ZNF385D: variants seen among roughly 807,000 people sequenced by gnomAD.
ZNF385D encodes the protein zinc finger protein 385D.
In ZNF385D, 15 loss-of-function variants were observed where a neutral mutation model predicts 35.8. The observed-to-expected ratio is 0.42, with a 90% CI of 0.28 to 0.64. The LOEUF (loss-of-function observed/expected upper bound fraction) is 0.64. Ranked by LOEUF, ZNF385D falls within the 30% of genes least tolerant of loss-of-function variation. The pLI, the probability that ZNF385D is intolerant of heterozygous loss-of-function variation, is 0.23. For synonymous variants in ZNF385D, 212 were observed against 186.8 expected, an observed-to-expected ratio of 1.13 and a Z score of -1.10; for missense variants, 474 against 494.6, an observed-to-expected ratio of 0.96 and a Z score of 0.39.
intron 2 of ZNF385D, among the ~76,000 whole-genome samples, chr3:21,578,698 G>C (rs1559425709): frequency 6.6e-6 from 1 of 152,056 alleles, no homozygotes; most frequent in South Asian, 2.1e-4. Context: ...TGATACGCCT[G>C]CTTTCATGCC....
chr3:21,757,440 G>A (rs934151307), intron 3 of ZNF385D, among the ~76,000 whole-genome samples: 1 of 152,078 alleles, frequency 6.6e-6, no homozygotes, highest in Admixed American at 6.6e-5. Flanking sequence ...ACCACACCTG[G>A]CCTAAATTTA....
chr3:22,300,856 C>A (rs971431451), intron 2 of ZNF385D, among the ~76,000 whole-genome samples: 2 of 151,882 alleles, frequency 1.3e-5, no homozygotes, highest in African/African-American at 2.4e-5. Context: ...ATTAGTATAG[C>A]CATTATGAAA....
At chr3:22,193,464 GGATGCATGAGATCTAAGTACAAA>G (rs1406700731) in intron 2 of ZNF385D, among the ~76,000 whole-genome samples, 2 of 151,890 alleles carry the variant, frequency 1.3e-5, no homozygotes, top group African/African-American at 4.8e-5. Flanking sequence ...ATATTACATA[GGATGCATGAGATCTAAGTACAAA>G]TTAACTTGGA....
chr3:22,110,769 C>A (rs549414931), intron 3 of ZNF385D, among the ~76,000 whole-genome samples: 89 of 149,868 alleles, frequency 5.9e-4, no homozygotes, highest in Middle Eastern at 6.9e-3. Context: ...GAACATGTAC[C>A]CTAAAACTTA....
At chr3:22,038,256 G>A (rs975719731) in intron 3 of ZNF385D, among the ~76,000 whole-genome samples, 4 of 152,284 alleles carry the variant, frequency 2.6e-5, no homozygotes, top group Middle Eastern at 3.4e-3. Flanking sequence ...AGATAAAAAT[G>A]TGGTAGAGAT....
chr3:21,661,208 A>G (rs753855661), intron 2 of ZNF385D, among the ~76,000 whole-genome samples: 17 of 152,132 alleles, frequency 1.1e-4, no homozygotes, highest in Non-Finnish European at 2.2e-4. Flanking sequence ...TCCCATTCGA[A>G]TGCCTGGAAT....
intron 2 of ZNF385D, among the ~76,000 whole-genome samples, chr3:22,368,105 A>G (rs955404519): frequency 1.3e-5 from 2 of 152,214 alleles, no homozygotes; most frequent in African/African-American, 4.8e-5. Flanking sequence ...ATATATTTCC[A>G]TAAAGAGAAC....
intron 3 of ZNF385D, among the ~76,000 whole-genome samples, chr3:21,521,426 T>C (rs1349155933): frequency 6.6e-6 from 1 of 152,188 alleles, no homozygotes; most frequent in African/African-American, 2.4e-5. Flanking sequence ...GATAGAGTGG[T>C]GAACAAGTCA....
At chr3:22,225,249 G>A (rs1264096818) in intron 2 of ZNF385D, among the ~76,000 whole-genome samples, 1 of 152,110 alleles carries the variant, frequency 6.6e-6, no homozygotes, top group Non-Finnish European at 1.5e-5. Context: ...GTATGTAGCA[G>A]ACACTGTTGG....
At chr3:21,826,899 G>C (rs1028879741) in intron 3 of ZNF385D, among the ~76,000 whole-genome samples, 3 of 151,702 alleles carry the variant, frequency 2.0e-5, no homozygotes, top group Admixed American at 2.0e-4. Context: ...GTACCTGAAG[G>C]AACAGTGAAG....
chr3:21,767,646 T>G (rs561758476), intron 3 of ZNF385D, among the ~76,000 whole-genome samples: 6 of 151,614 alleles, frequency 4.0e-5, no homozygotes, highest in Non-Finnish European at 7.4e-5. Flanking sequence ...GATGAATGAA[T>G]TGATGAGTGG....
intron 2 of ZNF385D, among the ~76,000 whole-genome samples, chr3:21,660,357 A>G (rs1219667793): frequency 6.6e-6 from 1 of 152,090 alleles, no homozygotes; most frequent in African/African-American, 2.4e-5. Context: ...TGCATATCCT[A>G]GAAGGCAGAA....
At chr3:22,215,831 C>T (rs79960568) in intron 2 of ZNF385D, among the ~76,000 whole-genome samples, 5 of 152,004 alleles carry the variant, frequency 3.3e-5, no homozygotes, top group South Asian at 4.2e-4. Context: ...CGGAACCTGC[C>T]GACATGTGAT....
At chr3:21,921,420 T>G (rs967386105) in intron 3 of ZNF385D, among the ~76,000 whole-genome samples, 4 of 152,100 alleles carry the variant, frequency 2.6e-5, no homozygotes, top group African/African-American at 9.7e-5. Flanking sequence ...AATCCATTTG[T>G]TCGTGCACCT....
At chr3:22,255,186 A>G (rs1186229677) in intron 2 of ZNF385D, among the ~76,000 whole-genome samples, 7 of 151,714 alleles carry the variant, frequency 4.6e-5, no homozygotes, top group Non-Finnish European at 7.4e-5. Flanking sequence ...TCATAAGAAA[A>G]AAAAAGAAAA....
chr3:21,854,050 C>T (rs1696567747), intron 3 of ZNF385D, among the ~76,000 whole-genome samples: 2 of 151,786 alleles, frequency 1.3e-5, no homozygotes, highest in Non-Finnish European at 2.9e-5. Context: ...AATTCAGATG[C>T]ATATTTAAGG....
At chr3:21,989,955 A>C (rs756938346) in intron 3 of ZNF385D, among the ~76,000 whole-genome samples, 1 of 152,190 alleles carries the variant, frequency 6.6e-6, no homozygotes, top group Admixed American at 6.5e-5. Flanking sequence ...TATGTGTAAC[A>C]TTTCCAGCAC....
intron 3 of ZNF385D, among the ~76,000 whole-genome samples, chr3:21,940,561 C>T (rs974991105): frequency 1.3e-5 from 2 of 152,052 alleles, no homozygotes; most frequent in Admixed American, 6.6e-5. Flanking sequence ...TGAAGTGCAG[C>T]AATGAAAACA....
At chr3:21,636,328 A>C (rs1452681082) in intron 2 of ZNF385D, among the ~76,000 whole-genome samples, 4 of 143,306 alleles carry the variant, frequency 2.8e-5, no homozygotes, top group Non-Finnish European at 4.5e-5. Context: ...AGATATATAG[A>C]TATACATGAT....
Sources: allele counts gnomAD v4.1 joint callset (sites outside exome capture counted in the v4.1 genomes callset), GRCh38; gene constraint gnomAD v4.1.1; transcripts MANE v1.5; gene names NCBI Gene and HGNC (gene_info 2026-07-23, HGNC 2026-07-21).